ZNF254: variants seen among roughly 807,000 people sequenced by gnomAD.
The protein encoded by ZNF254 is CTD-2017D11.1.
ZNF254 carries 10 observed loss-of-function variants against 12.4 expected under a neutral mutation model. That is an observed-to-expected ratio of 0.80 (90% CI 0.50 to 1.36). The LOEUF (loss-of-function observed/expected upper bound fraction) is 1.36, where lower values mean the gene tolerates loss of function less well. Among genes scored for constraint, ZNF254 ranks in the 40% most tolerant of loss-of-function variants. ZNF254 has a pLI of 0.00. For missense variants in ZNF254, 996 were observed against 763.9 expected (o/e 1.30, Z -3.58); for synonymous variants, 305 against 253.4 (o/e 1.20, Z -1.93).
At chr19:24,118,079 G>C (rs1974227176) in intron 3 of ZNF254, among the ~76,000 whole-genome samples, 1 of 147,600 alleles carries the variant, frequency 6.8e-6, no homozygotes, top group South Asian at 2.1e-4. Context: ...TTGAAATGGA[G>C]TCTCCCTTTG....
chr19:24,071,889 T>A (rs970651066), intron 2 of ZNF254, among the ~76,000 whole-genome samples: 1 of 152,064 alleles, frequency 6.6e-6, no homozygotes, highest in Non-Finnish European at 1.5e-5. Flanking sequence ...TGCAGGAGAG[T>A]CACATCACCT....
intron 1 of ZNF254, among the ~76,000 whole-genome samples, chr19:24,035,028 G>A (rs968344190): frequency 8.5e-5 from 13 of 152,228 alleles, no homozygotes; most frequent in Admixed American, 4.6e-4. Context: ...TTAAAGGTTA[G>A]AGAGAAAAGG....
intron 3 of ZNF254, among the ~76,000 whole-genome samples, chr19:24,116,970 A>G (rs1460362020): frequency 2.0e-5 from 3 of 152,016 alleles, no homozygotes; most frequent in African/African-American, 4.8e-5. Context: ...TCCAGACCCT[A>G]TTTGCTTGGG....
chr19:24,124,819 G>C (rs1331781927), intron 3 of ZNF254, among the ~76,000 whole-genome samples: 2 of 151,258 alleles, frequency 1.3e-5, no homozygotes, highest in African/African-American at 4.9e-5. Context: ...CTCCAGCCAG[G>C]CTTGAGTGTA....
At chr19:24,058,135 T>G (rs1195122455) in intron 2 of ZNF254, among the ~76,000 whole-genome samples, 3 of 152,212 alleles carry the variant, frequency 2.0e-5, no homozygotes, top group Non-Finnish European at 2.9e-5. Context: ...CCTGCCTTGC[T>G]GCTGCACACA....
At chr19:24,073,417 T>C (rs1971549520) in intron 2 of ZNF254, among the ~76,000 whole-genome samples, 1 of 152,152 alleles carries the variant, frequency 6.6e-6, no homozygotes, top group Non-Finnish European at 1.5e-5. Flanking sequence ...TGATTATGAA[T>C]CCATACCAGG....
In ZNF254 at chr19:24,127,825, A is replaced by G; in HGVS notation, c.1825A>G (p.Lys609Glu). 6.2e-7 allele frequency: 1 copy of G among 1,613,364 alleles called. No homozygotes were observed. Among genetic ancestry groups the G allele is most frequent in the Non-Finnish European group, 8.5e-7 (1 of 1,179,746 alleles). The change falls in exon 4 of 4, where the codon AAA becomes GAA. Residue 609 changes from lysine (K) to glutamate (E), a missense_variant. By Grantham distance (56) the Lys-to-Glu change is moderately conservative (BLOSUM62 1). Transcript: ENST00000357002. Reference sequence around the variant, plus strand: ...ACCCTACAAATGTGAAGAATGTGGCAAAGCATTTTTCTGGTCCTCAACCCT... The same window carrying G: ...ACCCTACAAATGTGAAGAATGTGGCGAAGCATTTTTCTGGTCCTCAACCCT... ...VKPYKCEECGKAFFWSSTLTK... is the reference protein window; with the variant it reads ...VKPYKCEECGEAFFWSSTLTK...
intron 1 of ZNF254, among the ~76,000 whole-genome samples, chr19:24,034,599 G>T (rs532614019): frequency 9.2e-5 from 13 of 141,968 alleles, no homozygotes; most frequent in Non-Finnish European, 1.8e-4. Flanking sequence ...CCAGATTCAA[G>T]CGATCCTCCA....
chr19:24,106,503 T>G (rs1461682702), intron 2 of ZNF254, 45 bp from the exon 3 acceptor site: 1 of 1,480,464 alleles, frequency 6.8e-7, no homozygotes. Context: ...AGTTGGTAAT[T>G]GGAGAATATA....
chr19:24,054,545 C>T (rs1469340193), intron 2 of ZNF254, among the ~76,000 whole-genome samples: 1 of 152,178 alleles, frequency 6.6e-6, no homozygotes, highest in Non-Finnish European at 1.5e-5. Context: ...CCAGGGCACA[C>T]AGCACAAAGG....
intron 3 of ZNF254, among the ~76,000 whole-genome samples, chr19:24,123,246 C>A (rs148999419): frequency 1.3e-5 from 2 of 152,136 alleles, no homozygotes; most frequent in Non-Finnish European, 2.9e-5. Flanking sequence ...GTTTTATACT[C>A]GTACTCCATT....
chr19:24,128,105 AATC>A lies in ZNF254; in HGVS notation c.*128_*130del. ...TGACAGTACCTAAAACTTTAAAGAAAATCATTCTGCTGAAAAATCCTAGAAATG... is the reference window on the plus strand; with the variant it reads ...TGACAGTACCTAAAACTTTAAAGAAAATTCTGCTGAAAAATCCTAGAAATG... On this transcript the variant is annotated 3_prime_UTR_variant, in exon 4 of 4. Coordinates refer to ENST00000357002, the MANE Select transcript of ZNF254 (RefSeq NM_203282.4). 1.0e-6 allele frequency: 1 copy of A among 977,528 alleles called. No homozygotes were observed. The highest frequency in any genetic ancestry group is 1.4e-6 in the Non-Finnish European group (1 of 718,216). 60.6% of individuals were successfully genotyped at this position (977,528 alleles called of 1,614,324 possible).
At chr19:24,045,975 T>C (rs914264843) in intron 1 of ZNF254, among the ~76,000 whole-genome samples, 8 of 152,138 alleles carry the variant, frequency 5.3e-5, no homozygotes, top group African/African-American at 1.9e-4. Flanking sequence ...CCCCTTAGTT[T>C]TGATTCATTC....
At chr19:24,057,399 T>C (rs1016203269) in intron 2 of ZNF254, among the ~76,000 whole-genome samples, 1 of 152,212 alleles carries the variant, frequency 6.6e-6, no homozygotes, top group African/African-American at 2.4e-5. Flanking sequence ...CCAGTCATTA[T>C]AGAGGTGTTA....
chr19:24,033,766 G>T (rs1599554403), intron 1 of ZNF254: 1 of 207,280 alleles, frequency 4.8e-6, no homozygotes, highest in South Asian at 5.1e-5. Context: ...CAAGATGGCG[G>T]CTGGGCCCGC....
At position 24,073,963 on chromosome 19, in the gene ZNF254, G is replaced by A. The variant is rs369885330; in HGVS notation, c.-94+27684G>A. 2.4e-3 allele frequency among the ~76,000 whole-genome samples: 361 copies of A among 152,292 alleles called. 2 individuals are homozygous for A. Among genetic ancestry groups the A allele is most frequent in the Non-Finnish European group, 3.9e-3 (264 of 68,018 alleles). On this transcript the variant is annotated intron_variant, in intron 2 of 4. Coordinates refer to the ZNF254 transcript ENST00000613065. ...TCTCCTCCCTGGTGCCCAGCCCACA[G>A]ATTAGATCATGACACATCACTAGAC...
intron 2 of ZNF254, 31 bp from the exon 3 acceptor site, chr19:24,106,517 A>C: frequency 6.5e-7 from 1 of 1,533,794 alleles, no homozygotes; most frequent in South Asian, 1.1e-5. Context: ...GAATATAAGC[A>C]AGATTCATTT....
chr19:24,122,639 T>C (rs1974559186), intron 3 of ZNF254, among the ~76,000 whole-genome samples: 1 of 152,222 alleles, frequency 6.6e-6, no homozygotes, highest in African/African-American at 2.4e-5. Flanking sequence ...GCTCATTTCA[T>C]TTTACATAAT....
chr19:24,114,287 GC>G (rs1197358978), intron 3 of ZNF254, among the ~76,000 whole-genome samples: 25 of 149,550 alleles, frequency 1.7e-4, no homozygotes, highest in African/African-American at 4.9e-4. Flanking sequence ...ATACTACAAG[GC>G]TACAGTAACC....
Sources: gnomAD v4.1 joint callset for allele counts (sites outside exome capture counted in the v4.1 genomes callset) on GRCh38, gnomAD v4.1.1 for gene constraint, MANE v1.5 for transcripts, NCBI Gene and HGNC (gene_info 2026-07-23, HGNC 2026-07-21) for gene names.